The following SMG6 variants were observed in gnomAD, a reference collection of about 807,000 sequenced individuals.
SMG6 encodes the protein SMG6 nonsense mediated mRNA decay factor.
In SMG6, 66 loss-of-function variants were observed where a neutral mutation model predicts 142.2. That is an observed-to-expected ratio of 0.46 (90% CI 0.38 to 0.57). The LOEUF (loss-of-function observed/expected upper bound fraction) is 0.57, where lower values mean the gene tolerates loss of function less well. Among genes scored for constraint, SMG6 ranks in the 20% least tolerant of loss-of-function variants. The pLI, the probability that SMG6 is intolerant of heterozygous loss-of-function variation, is 0.00. For synonymous variants in SMG6, 779 were observed against 702.4 expected (o/e 1.11, Z -1.72); for missense variants, 1,793 against 1,832.0 (o/e 0.98, Z 0.39).
chr17:2,069,966 T>C (rs140504038), intron 15 of SMG6, among the ~76,000 whole-genome samples: 5 of 152,314 alleles, frequency 3.3e-5, no homozygotes, highest in Admixed American at 6.5e-5. Context: ...TACTAAGCAA[T>C]TGACAGCCTA....
intron 10 of SMG6, among the ~76,000 whole-genome samples, chr17:2,212,980 C>CT (rs1461007096): frequency 1.6e-4 from 24 of 152,196 alleles, no homozygotes; most frequent in Non-Finnish European, 2.5e-4. Flanking sequence ...AGTGGGTTAT[C>CT]TGTTATTTCT....
chr17:2,271,744 G>A (rs2074546966), intron 8 of SMG6, among the ~76,000 whole-genome samples: 1 of 151,914 alleles, frequency 6.6e-6, no homozygotes, highest in Non-Finnish European at 1.5e-5. Flanking sequence ...ATAAAAAGCT[G>A]TAAATTTTTT....
intron 2 of SMG6, among the ~76,000 whole-genome samples, chr17:2,298,595 G>A (rs1348767275): frequency 6.6e-6 from 1 of 152,000 alleles, no homozygotes; most frequent in Non-Finnish European, 1.5e-5. Context: ...GCAGGCGCCT[G>A]TAGTCCCAGC....
At chr17:2,302,236 G>C (rs1220258927) in intron 1 of SMG6, among the ~76,000 whole-genome samples, 1 of 151,824 alleles carries the variant, frequency 6.6e-6, no homozygotes, top group Non-Finnish European at 1.5e-5. Context: ...CTGGAAGACA[G>C]AGTGAGACCC....
chr17:2,204,036 T>G (rs892842877), intron 10 of SMG6, among the ~76,000 whole-genome samples: 8 of 152,106 alleles, frequency 5.3e-5, no homozygotes, highest in Non-Finnish European at 1.0e-4. Flanking sequence ...TGGTCATAGC[T>G]CACCACAGCC....
At chr17:2,121,053 T>G (rs1418624968) in intron 13 of SMG6, among the ~76,000 whole-genome samples, 1 of 152,206 alleles carries the variant, frequency 6.6e-6, no homozygotes, top group Non-Finnish European at 1.5e-5. Flanking sequence ...CAAAGCATCC[T>G]GGGCTGCGTG....
At chr17:2,096,994 G>T (rs1313031783) in intron 13 of SMG6, among the ~76,000 whole-genome samples, 1 of 152,156 alleles carries the variant, frequency 6.6e-6, no homozygotes, top group African/African-American at 2.4e-5. Flanking sequence ...GGTTGGAAGA[G>T]ACCTTAACAA....
At chr17:2,171,288 A>G (rs1392618401) in intron 13 of SMG6, among the ~76,000 whole-genome samples, 1 of 151,770 alleles carries the variant, frequency 6.6e-6, no homozygotes, top group Non-Finnish European at 1.5e-5. Context: ...TAATAATAAT[A>G]AAATAAAATA....
intron 4 of SMG6, among the ~76,000 whole-genome samples, chr17:2,294,238 T>C (rs1028088367): frequency 6.6e-6 from 1 of 152,324 alleles, no homozygotes; most frequent in African/African-American, 2.4e-5. Flanking sequence ...AAGTCCTAAC[T>C]GTTCCACAGA....
intron 10 of SMG6, among the ~76,000 whole-genome samples, chr17:2,206,633 C>G (rs968253623): frequency 6.6e-6 from 1 of 152,030 alleles, no homozygotes; most frequent in Non-Finnish European, 1.5e-5. Flanking sequence ...GTAATCACAG[C>G]ACTTTAGGAG....
intron 9 of SMG6, among the ~76,000 whole-genome samples, chr17:2,243,145 G>A (rs1383607305): frequency 1.3e-5 from 2 of 152,156 alleles, no homozygotes; most frequent in Non-Finnish European, 2.9e-5. Flanking sequence ...TCTACAGATA[G>A]AGATTCATCT....
At position 2,299,074 on chromosome 17, in the gene SMG6, G is replaced by A. The variant is rs1597237979; in HGVS notation, c.1679C>T (p.Pro560Leu). 9 of 1,614,198 alleles carry A rather than the reference G, an allele frequency of 5.6e-6. No individual in the cohort carries two copies. Among genetic ancestry groups the A allele is most frequent in the Non-Finnish European group, 6.8e-6 (8 of 1,180,040 alleles). Reference sequence around the variant, plus strand: ...CTCCTCGGGACTCATGGTGCTGGTAGGTAGAGGGCTACACACATACTGTCC... The same window carrying A: ...CTCCTCGGGACTCATGGTGCTGGTAAGTAGAGGGCTACACACATACTGTCC... ...PSGQYVCSPLPTSTMSPEEVE... is the reference protein window; with the variant it reads ...PSGQYVCSPLLTSTMSPEEVE... The change falls in exon 2 of 19, where the codon CCT becomes CTT. Residue 560 changes from proline to leucine, a missense_variant. Pro to Leu is a moderately conservative substitution (Grantham distance 98). Transcript: ENST00000263073. This position sits in a 1 kb window ranked among gnomAD's most constrained non-coding sequence, Gnocchi z 4.3.
chr17:2,079,813 G>T (rs1274537569), intron 15 of SMG6, among the ~76,000 whole-genome samples: 1 of 151,920 alleles, frequency 6.6e-6, no homozygotes, highest in Non-Finnish European at 1.5e-5. Context: ...AGTGGCTCAC[G>T]CCTGTAATCC....
At chr17:2,232,530 C>T (rs1395798129) in intron 10 of SMG6, 2 of 152,226 alleles carry the variant, frequency 1.3e-5, no homozygotes, top group South Asian at 2.1e-4. Context: ...TCAGCAAATG[C>T]TTACTGAATG....
At chr17:2,232,080 G>C (rs879840597) in intron 10 of SMG6, among the ~76,000 whole-genome samples, 9 of 151,788 alleles carry the variant, frequency 5.9e-5, no homozygotes, top group Admixed American at 1.3e-4. Context: ...GAGAACAAGA[G>C]GGGGAGAGAA....
chr17:2,110,644 G>A (rs933909017), intron 13 of SMG6, among the ~76,000 whole-genome samples: 4 of 152,120 alleles, frequency 2.6e-5, no homozygotes, highest in African/African-American at 7.2e-5. Flanking sequence ...CCCTGATGAG[G>A]TGCTCAAGTC....
At chr17:2,200,736 C>T (rs1394812262) in intron 10 of SMG6, among the ~76,000 whole-genome samples, 5 of 152,090 alleles carry the variant, frequency 3.3e-5, no homozygotes, top group African/African-American at 2.4e-5. Flanking sequence ...ATGAGACAGG[C>T]TCTCGCTCTG....
chr17:2,269,920 T>C (rs946471193), intron 8 of SMG6, among the ~76,000 whole-genome samples: 2 of 152,090 alleles, frequency 1.3e-5, no homozygotes, highest in African/African-American at 4.8e-5. Flanking sequence ...TCCTAGTGCT[T>C]TGGGAGGTCA....
intron 8 of SMG6, among the ~76,000 whole-genome samples, chr17:2,258,026 A>T (rs1228809927): frequency 0.088 from 7,767 of 87,946 alleles, 568 homozygotes; most frequent in East Asian, 0.14. Flanking sequence ...AAAAAAAAAA[A>T]AAAAAAAAAT....
Sources: allele counts gnomAD v4.1 joint callset (sites outside exome capture counted in the v4.1 genomes callset), GRCh38; gene constraint gnomAD v4.1.1; non-coding constraint Gnocchi (gnomAD v3.1); transcripts MANE v1.5; gene names NCBI Gene and HGNC (gene_info 2026-07-23, HGNC 2026-07-21).